Variants in TBX4 observed in about 807,000 individuals in gnomAD.
TBX4 encodes the protein T-box transcription factor TBX4.
A neutral mutation model predicts 54.6 loss-of-function variants in TBX4; 13 were observed. That is an observed-to-expected ratio of 0.24 (90% confidence interval 0.15 to 0.38). TBX4 has a LOEUF of 0.38. Among genes scored for constraint, TBX4 ranks in the 10% least tolerant of loss-of-function variants. TBX4 has a pLI of 1.00. For synonymous variants in TBX4, 314 were observed against 306.7 expected (o/e 1.02, Z -0.25); for missense variants, 631 against 728.5 (o/e 0.87, Z 1.54).
rs1024082125 is a variant in TBX4, at chr17:61,459,075, G to C, written c.281+1444G>C. On this transcript the variant is annotated intron_variant, in intron 3 of 8. Transcript: ENST00000644296. The surrounding 1 kb of genome is among the most constrained non-coding windows in gnomAD (Gnocchi z 4.8). ...TCTATCAGGAGAGAAAGTAGGTTTA[G>C]TTTAGGGCTTGAGCTTGCTGTATTT... Among the ~76,000 whole-genome samples the C allele has an allele frequency of 2.0e-5, 3 of 152,252 alleles. No individual in the cohort carries two copies. Among genetic ancestry groups the C allele is most frequent in the African/African-American group, 7.2e-5 (3 of 41,462 alleles).
At position 61,461,063 on chromosome 17, in the gene TBX4, C is replaced by T. The variant is rs1490250056; in HGVS notation, c.281+3432C>T. Among the ~76,000 whole-genome samples the T allele has an allele frequency of 6.6e-6, 1 of 152,176 alleles. No individual in the cohort carries two copies. The highest frequency in any genetic ancestry group is 1.5e-5 in the Non-Finnish European group (1 of 68,032). ...ATAAGAGAAGTAAGGGTTGAAGACACTGGGAAAGTGGGTTGGGGAGAGAGT... is the reference window on the plus strand; with the variant it reads ...ATAAGAGAAGTAAGGGTTGAAGACATTGGGAAAGTGGGTTGGGGAGAGAGT... On this transcript the variant is annotated intron_variant, in intron 3 of 8. Coordinates refer to ENST00000644296, the MANE Select transcript of TBX4 (RefSeq NM_001321120.2). The surrounding 1 kb of genome is among the most constrained non-coding windows in gnomAD (Gnocchi z 5.1).
rs969557337 is a variant in TBX4 at position 61,462,578 on chromosome 17, G to A, written c.282-3241G>A. On this transcript the variant is annotated intron_variant, in intron 3 of 8. Coordinates refer to ENST00000644296, the MANE Select transcript of TBX4 (RefSeq NM_001321120.2). The surrounding 1 kb of genome is among the most constrained non-coding windows in gnomAD (Gnocchi z 4.5). Reference sequence around the variant, plus strand: ...AGGGGAGAGGGGGAGCGCGCAAGGAGGGGGCTGGCTGGGGCGGACCCAGAG... The same window carrying A: ...AGGGGAGAGGGGGAGCGCGCAAGGAAGGGGCTGGCTGGGGCGGACCCAGAG... 1.3e-5 allele frequency among the ~76,000 whole-genome samples: 2 copies of A among 151,832 alleles called. No homozygotes were observed. The highest frequency in any genetic ancestry group is 4.8e-5 in the African/African-American group (2 of 41,320).
chr17:61,453,537 C>T (rs1218549976), intron 1 of TBX4, among the ~76,000 whole-genome samples: 1 of 151,918 alleles, frequency 6.6e-6, no homozygotes, highest in Non-Finnish European at 1.5e-5. Flanking sequence ...AATTTATGAC[C>T]AATGTATTAA....
In TBX4 at chr17:61,481,427, A is replaced by G. The variant is rs1189935541; in HGVS notation, c.1021+1108A>G. 6.6e-6 allele frequency: 1 copy of G among 152,238 alleles called. No individual in the cohort carries two copies. Among genetic ancestry groups the G allele is most frequent in the Non-Finnish European group, 1.5e-5 (1 of 68,050 alleles). 9.4% of individuals were successfully genotyped at this position (152,238 alleles called of 1,614,324 possible). A position where few individuals can be genotyped will look rare whatever the true frequency, so the allele number is the denominator to read the frequency against. ...AGATATTTACTATCTGGTCCTTTGC[A>G]GAAAAAGTTTGCCCAGTCTTGACCT... On this transcript the variant is annotated intron_variant, in intron 8 of 8. Transcript: ENST00000644296. The surrounding 1 kb of genome is among the most constrained non-coding windows in gnomAD (Gnocchi z 4.8).
chr17:61,462,485 AGAGG>A lies in TBX4; in HGVS notation c.282-3327_282-3324del, dbSNP rs2060502727. Among the ~76,000 whole-genome samples the A allele has an allele frequency of 6.9e-6, 1 of 145,116 alleles. No homozygotes were observed. Among genetic ancestry groups the A allele is most frequent in the Non-Finnish European group, 1.5e-5 (1 of 65,780 alleles). The stretch of plus-strand genomic sequence containing the variant: ...TGGAAAGCGTGCCGAGGGGCTGGGA[AGAGG>A]GAGGGACAGGAGGACGGGGTGGGAG... On this transcript the variant is annotated intron_variant, in intron 3 of 8. Coordinates refer to ENST00000644296, the MANE Select transcript of TBX4 (RefSeq NM_001321120.2). The surrounding 1 kb of genome is among the most constrained non-coding windows in gnomAD (Gnocchi z 4.5).
intron 5 of TBX4, among the ~76,000 whole-genome samples, chr17:61,468,802 C>T (rs1221794090): frequency 6.6e-6 from 1 of 152,180 alleles, no homozygotes; most frequent in Non-Finnish European, 1.5e-5. Flanking sequence ...GGAGGATCAG[C>T]CAAGTTCCCA....
At chr17:61,468,819 C>T (rs574145452) in intron 5 of TBX4, among the ~76,000 whole-genome samples, 22 of 152,292 alleles carry the variant, frequency 1.4e-4, no homozygotes, top group East Asian at 1.9e-4. Flanking sequence ...CCCACCTCCC[C>T]GAGCCCCAAG....
Position 61,476,337 on chromosome 17 carries a change from A to G in TBX4, c.550-2290A>G, listed in dbSNP as rs1292503023. Among the ~76,000 whole-genome samples the G allele has an allele frequency of 6.6e-6, 1 of 152,218 alleles. No homozygotes were observed. Among genetic ancestry groups the G allele is most frequent in the African/African-American group, 2.4e-5 (1 of 41,464 alleles). ...CCAGAAGGTGAGAAAAGAATGGGAA[A>G]GGAAGATCGAGACAGCAGAGGGACC... On this transcript the variant is annotated intron_variant, in intron 5 of 8. Coordinates refer to ENST00000644296, the MANE Select transcript of TBX4 (RefSeq NM_001321120.2). The surrounding 1 kb of genome is among the most constrained non-coding windows in gnomAD (Gnocchi z 6.5).
Position 61,483,612 on chromosome 17 carries a change from C to CTGTGTGTGTG in TBX4, c.*96_*97insTGTGTGTGTG. On this transcript the variant is annotated 3_prime_UTR_variant, in exon 9 of 9. Transcript: ENST00000644296. This position sits in a 1 kb window ranked among gnomAD's most constrained non-coding sequence, Gnocchi z 6.6. ...TACCAAGAAACACAGGAAGGTATTCCAGTGTGTGTGTGTGTGTGTGTGTGT... is the reference window on the plus strand; with the variant it reads ...TACCAAGAAACACAGGAAGGTATTCCTGTGTGTGTGAGTGTGTGTGTGTGTGTGTGTGTGT... The CTGTGTGTGTG allele has an allele frequency of 1.2e-6, 1 of 859,542 alleles. No homozygotes were observed. Among genetic ancestry groups the CTGTGTGTGTG allele is most frequent in the Middle Eastern group, 3.3e-4 (1 of 2,994 alleles). 53.2% of individuals were successfully genotyped at this position (859,542 alleles called of 1,614,324 possible).
chr17:61,454,991 T>G (rs990619863), intron 1 of TBX4, among the ~76,000 whole-genome samples: 2 of 152,110 alleles, frequency 1.3e-5, no homozygotes, highest in African/African-American at 2.4e-5. Flanking sequence ...AGCGGCCCTG[T>G]GTGGGGACTC....
rs965946950 is a variant in TBX4, at chr17:61,456,396, C to G, written c.-3-92C>G. 1.9e-5 allele frequency: 29 copies of G among 1,509,916 alleles called. 1 individual carries two copies. The South Asian group carries it at 3.3e-4, about 17-fold the overall frequency. The allele number at this position is 1,509,916 out of a possible 1,614,324, so 93.5% of individuals were successfully genotyped here. ...GTGCTCCAGGGCTGCCTCCGCGCCCCGCACGAAGTCCCGGAATCGGCTGGA... is the reference window on the plus strand; with the variant it reads ...GTGCTCCAGGGCTGCCTCCGCGCCCGGCACGAAGTCCCGGAATCGGCTGGA... On this transcript the variant is annotated intron_variant, in intron 1 of 8. Transcript: ENST00000644296.
intron 8 of TBX4, 34 bp from the exon 9 acceptor site, chr17:61,482,863 A>C (rs376629195): frequency 2.9e-5 from 46 of 1,610,000 alleles, no homozygotes; most frequent in Non-Finnish European, 3.4e-6. Flanking sequence ...GGCTGGTGGA[A>C]ATGGTTCTTC....
rs112443110 is a variant in TBX4, at chr17:61,466,105, C to T, written c.401+167C>T. Among the ~76,000 whole-genome samples the T allele has an allele frequency of 1.2e-4, 19 of 152,194 alleles. 1 individual carries two copies. Among genetic ancestry groups the T allele is most frequent in the African/African-American group, 4.1e-4 (17 of 41,516 alleles). On this transcript the variant is annotated intron_variant, in intron 4 of 8. Transcript: ENST00000644296. ...GCTGTGCGGAGGCTGAGGTGGTCAG[C>T]GAATGTCTGCATGCCTGCTTCAGGT...
chr17:61,483,267 C>G lies in TBX4; in HGVS notation c.1392C>G (p.Ser464=). Residue 464 remains serine (S), a synonymous_variant, in exon 9 of 9, where the codon TCC becomes TCG. Transcript: ENST00000644296. This position sits in a 1 kb window ranked among gnomAD's most constrained non-coding sequence, Gnocchi z 6.6. The part of the protein sequence containing the change: ...PRLPTLSAQS[S]QPPGNAHFSV... ...TGCCCACCCTCTCCGCTCAGAGCTC[C>G]CAGCCACCAGGAAATGCCCACTTTA... is the stretch of plus-strand genomic sequence containing the variant. 2 of 1,614,174 alleles carry G rather than the reference C, an allele frequency of 1.2e-6. No individual in the cohort carries two copies. Among genetic ancestry groups the G allele is most frequent in the South Asian group, 2.2e-5 (2 of 91,074 alleles).
At position 61,483,454 on chromosome 17, in the gene TBX4, C is replaced by G. The variant is rs200436565; in HGVS notation, c.1579C>G (p.Arg527Gly). Residue 527 changes from arginine (R) to glycine (G), a missense_variant, in exon 9 of 9, where the codon CGA becomes GGA. Physicochemically the swap from Arg to Gly is moderately radical, Grantham distance 125. Transcript: ENST00000644296. This position sits in a 1 kb window ranked among gnomAD's most constrained non-coding sequence, Gnocchi z 6.6. ...FLYSQTFSLS[R>G]ESSLQYHSGM... Reference sequence around the variant, plus strand: ...CTACTCTCAAACCTTCTCCTTGTCCCGAGAATCTTCCTTACAGTACCATTC... The same window carrying G: ...CTACTCTCAAACCTTCTCCTTGTCCGGAGAATCTTCCTTACAGTACCATTC... The G allele has an allele frequency of 3.7e-6, 6 of 1,614,064 alleles. No homozygotes were observed. The African/African-American group carries it at 6.7e-5, about 18-fold the overall frequency.
In TBX4 at chr17:61,462,031, C is replaced by CCGCGGGGAGCTTTGGCGGGGA. The variant is rs1276975814; in HGVS notation, c.282-3788_282-3787insCGCGGGGAGCTTTGGCGGGGA. 2.0e-5 allele frequency among the ~76,000 whole-genome samples: 3 copies of CCGCGGGGAGCTTTGGCGGGGA among 152,174 alleles called. No individual in the cohort carries two copies. Among genetic ancestry groups the CCGCGGGGAGCTTTGGCGGGGA allele is most frequent in the Non-Finnish European group, 4.4e-5 (3 of 68,028 alleles). On this transcript the variant is annotated intron_variant, in intron 3 of 8. Coordinates refer to ENST00000644296, the MANE Select transcript of TBX4 (RefSeq NM_001321120.2). The surrounding 1 kb of genome is among the most constrained non-coding windows in gnomAD (Gnocchi z 4.5). ...TTGGCCGGGGAGCTCCCGCGGCTCT[C>CCGCGGGGAGCTTTGGCGGGGA]GCAGCGCAGCTAGAACTTGCGTGTT...
Position 61,457,445 on chromosome 17 carries a change from G to T in TBX4, c.187-92G>T, listed in dbSNP as rs1358633346. 1 of 1,247,600 alleles carries T rather than the reference G, an allele frequency of 8.0e-7. No individual in the cohort carries two copies. Among genetic ancestry groups the T allele is most frequent in the Non-Finnish European group, 1.2e-6 (1 of 848,990 alleles). The allele number at this position is 1,247,600 out of a possible 1,614,324, so 77.3% of individuals were successfully genotyped here. ...ATGGGCTCCGGGCGGGCAGGGTTCCGCACAGCTCTTCGGGTCTGGTTCTTC... is the reference window on the plus strand; with the variant it reads ...ATGGGCTCCGGGCGGGCAGGGTTCCTCACAGCTCTTCGGGTCTGGTTCTTC... On this transcript the variant is annotated intron_variant, in intron 2 of 8. Coordinates refer to ENST00000644296, the MANE Select transcript of TBX4 (RefSeq NM_001321120.2). The surrounding 1 kb of genome is among the most constrained non-coding windows in gnomAD (Gnocchi z 8.2).
In TBX4 at chr17:61,480,279, G is replaced by T; in HGVS notation, c.981G>T (p.Gln327His). The T allele has an allele frequency of 6.2e-7, 1 of 1,613,976 alleles. No homozygotes were observed. Among genetic ancestry groups the T allele is most frequent in the East Asian group, 2.2e-5 (1 of 44,862 alleles). ...QDLPLSTFPT[Q>H]RDSSLFYHCL... ...TGCCCCTCAGCACCTTTCCCACCCA[G>T]AGGGACTCAAGCCTCTTCTATCACT... The change falls in exon 8 of 9, where the codon CAG (glutamine) becomes CAT (histidine). Residue 327 changes from glutamine (Q) to histidine (H), a missense_variant. Gln to His is a conservative substitution (Grantham distance 24, BLOSUM62 0). This residue lies in a region of TBX4 where 354 missense variants were observed against 368.9 expected (regional missense o/e 0.96). Coordinates refer to ENST00000644296, the MANE Select transcript of TBX4 (RefSeq NM_001321120.2). The surrounding 1 kb of genome is among the most constrained non-coding windows in gnomAD (Gnocchi z 6.2).
chr17:61,484,540 G>GA lies in TBX4; in HGVS notation c.*1031dup, dbSNP rs988207561. ...AAGGCCAACAGAAATAAAGATAGTTGAAAAAAATTTGTTTCTTCCAGTAAA... is the reference window on the plus strand; with the variant it reads ...AAGGCCAACAGAAATAAAGATAGTTGAAAAAAAATTTGTTTCTTCCAGTAAA... On this transcript the variant is annotated 3_prime_UTR_variant, in exon 9 of 9. Transcript: ENST00000644296. The surrounding 1 kb of genome is among the most constrained non-coding windows in gnomAD (Gnocchi z 4.1). 6.6e-6 allele frequency: 1 copy of GA among 151,988 alleles called. No homozygotes were observed. Among genetic ancestry groups the GA allele is most frequent in the Non-Finnish European group, 1.5e-5 (1 of 67,990 alleles). 9.4% of individuals were successfully genotyped at this position (151,988 alleles called of 1,614,324 possible).
Sources: allele counts gnomAD v4.1 joint callset (sites outside exome capture counted in the v4.1 genomes callset), GRCh38; gene constraint gnomAD v4.1.1; regional missense constraint gnomAD v4.1.1; non-coding constraint Gnocchi (gnomAD v3.1); transcripts MANE v1.5; gene names NCBI Gene and HGNC (gene_info 2026-07-23, HGNC 2026-07-21).